The following GPC3 variants were observed in gnomAD, a reference collection of about 807,000 sequenced individuals.
GPC3 encodes glypican 3.
Under a neutral mutation model 34.4 loss-of-function variants are expected in GPC3, and 3 were observed. The ratio of observed to expected loss-of-function variants is 0.09; its 90% CI spans 0.04 to 0.23. The LOEUF (loss-of-function observed/expected upper bound fraction) is 0.23. Among genes scored for constraint, GPC3 ranks in the 10% least tolerant of loss-of-function variants. GPC3 has a pLI of 1.00. For synonymous variants in GPC3, 177 were observed against 174.0 expected (o/e 1.02, Z -0.13); for missense variants, 351 against 445.6 (o/e 0.79, Z 1.91).
chrX:133,867,509 C>G (rs1485046229), intron 2 of GPC3, among the ~76,000 whole-genome samples: 1 of 109,950 alleles, frequency 9.1e-6, no homozygotes, highest in African/African-American at 3.3e-5. Flanking sequence ...GGCATCTATT[C>G]ATCCCACCTA....
chrX:133,850,525 C>T (rs1027987958), intron 2 of GPC3, among the ~76,000 whole-genome samples: 2 of 110,921 alleles, frequency 1.8e-5, no homozygotes, highest in African/African-American at 6.6e-5. Flanking sequence ...GGCTGCCAGC[C>T]TTGGTCAGAA....
chrX:133,798,479 G>A (rs1466798721), intron 2 of GPC3, among the ~76,000 whole-genome samples: 1 of 112,144 alleles, frequency 8.9e-6, no homozygotes, highest in Non-Finnish European at 1.9e-5. Context: ...CTTGTCTCCC[G>A]TGGGTCACAG....
intron 7 of GPC3, among the ~76,000 whole-genome samples, chrX:133,580,343 T>C (rs141991128): frequency 8.9e-6 from 1 of 111,844 alleles, no homozygotes; most frequent in East Asian, 2.8e-4. Context: ...ACAACTTGTG[T>C]ATTTAGGTTT....
chrX:133,650,028 G>A (rs1404924691), intron 6 of GPC3, among the ~76,000 whole-genome samples: 2 of 111,959 alleles, frequency 1.8e-5, no homozygotes, highest in Non-Finnish European at 1.9e-5. Flanking sequence ...AAGCTCAGTA[G>A]CCACAAGCCC....
chrX:133,604,944 G>A (rs1225801705), intron 6 of GPC3, among the ~76,000 whole-genome samples: 4 of 111,824 alleles, frequency 3.6e-5, no homozygotes, highest in Non-Finnish European at 7.5e-5. Flanking sequence ...CAAATGTGGT[G>A]ACTCCAATGA....
chrX:133,757,113 C>A (rs1325882669), intron 2 of GPC3, among the ~76,000 whole-genome samples: 2 of 112,249 alleles, frequency 1.8e-5, no homozygotes, highest in East Asian at 5.6e-4. Flanking sequence ...AAAATTTGAA[C>A]AAACAATGTA....
At chrX:133,749,532 T>C (rs2071641562) in intron 3 of GPC3, among the ~76,000 whole-genome samples, 1 of 110,834 alleles carries the variant, frequency 9.0e-6, no homozygotes, top group Admixed American at 9.7e-5. Flanking sequence ...CAAGCCACAC[T>C]TAAAAAAACG....
chrX:133,602,120 T>C (rs756736426), intron 6 of GPC3, among the ~76,000 whole-genome samples: 1 of 111,332 alleles, frequency 9.0e-6, no homozygotes, highest in African/African-American at 3.3e-5. Flanking sequence ...TTTGAGGCCA[T>C]ATGGATGAGC....
chrX:133,909,755 C>G (rs1409448579), intron 2 of GPC3, among the ~76,000 whole-genome samples: 1 of 111,372 alleles, frequency 9.0e-6, no homozygotes, highest in Non-Finnish European at 1.9e-5. Flanking sequence ...TTAAAAATAA[C>G]AGATGCATAT....
chrX:133,571,357 T>G (rs917282867), intron 7 of GPC3, among the ~76,000 whole-genome samples: 4 of 111,507 alleles, frequency 3.6e-5, no homozygotes, highest in Non-Finnish European at 1.9e-5. Context: ...TGGGGTGTCC[T>G]GATAGCCATT....
chrX:133,596,453 G>T lies in GPC3; in HGVS notation c.1560C>A (p.Leu520=), dbSNP rs1446811768. Residue 520 remains leucine, a synonymous_variant, in exon 7 of 8, where the codon CTC becomes CTA. Transcript: ENST00000370818. The part of the protein sequence containing the change: ...GDGMIKVKNQ[L]RFLAELAYDL... ...CTAATCAGTTACCTGCAAGGAAGCG[G>T]AGCTGATTCTTCACTTTTATCATTC... 2 of 1,208,542 alleles carry T rather than the reference G, an allele frequency of 1.7e-6. No homozygotes were observed. The highest frequency in any genetic ancestry group is 5.9e-5 in the East Asian group (2 of 33,828).
chrX:133,866,602 T>A (rs1197659353), intron 2 of GPC3, among the ~76,000 whole-genome samples: 2 of 112,321 alleles, frequency 1.8e-5, no homozygotes, highest in African/African-American at 6.5e-5. Flanking sequence ...TGTTAACTCA[T>A]TCATAATATT....
At chrX:133,925,053 C>A (rs2076269251) in intron 2 of GPC3, among the ~76,000 whole-genome samples, 1 of 108,401 alleles carries the variant, frequency 9.2e-6, no homozygotes, top group Non-Finnish European at 1.9e-5. Context: ...CAGAGTGAGA[C>A]CCTGTCTCAA....
At chrX:133,935,358 G>A (rs2076318944) in intron 2 of GPC3, among the ~76,000 whole-genome samples, 1 of 111,897 alleles carries the variant, frequency 8.9e-6, no homozygotes, top group Non-Finnish European at 1.9e-5. Flanking sequence ...AGATGTCTGG[G>A]AAAGGAATAA....
At chrX:133,668,076 G>A (rs926092416) in intron 5 of GPC3, among the ~76,000 whole-genome samples, 4 of 106,706 alleles carry the variant, frequency 3.7e-5, no homozygotes, top group East Asian at 6.1e-4. Flanking sequence ...CTAATTTTTC[G>A]TATTTTTAGT....
At chrX:133,954,543 T>C (rs756067200) in intron 1 of GPC3, among the ~76,000 whole-genome samples, 26 of 109,103 alleles carry the variant, frequency 2.4e-4, no homozygotes, top group Non-Finnish European at 4.0e-4. Context: ...GTGATGATTG[T>C]GGAGACTATT....
At chrX:133,934,159 C>T (rs891201845) in intron 2 of GPC3, among the ~76,000 whole-genome samples, 3 of 108,966 alleles carry the variant, frequency 2.8e-5, no homozygotes, top group African/African-American at 1.0e-4. Context: ...CCACTGAGCC[C>T]AGCCTAAACC....
At chrX:133,921,581 G>A (rs1184403547) in intron 2 of GPC3, among the ~76,000 whole-genome samples, 3 of 111,952 alleles carry the variant, frequency 2.7e-5, no homozygotes, top group Non-Finnish European at 5.6e-5. Context: ...GTTCCTATGT[G>A]ATTCCAAAGT....
chrX:133,960,779 A>G (rs889545538), intron 1 of GPC3, among the ~76,000 whole-genome samples: 2 of 111,378 alleles, frequency 1.8e-5, no homozygotes, highest in African/African-American at 6.5e-5. Flanking sequence ...AAAAGAATTA[A>G]TGATATCCCA....
Sources: allele counts gnomAD v4.1 joint callset (sites outside exome capture counted in the v4.1 genomes callset), GRCh38; gene constraint gnomAD v4.1.1; transcripts MANE v1.5; gene names NCBI Gene and HGNC (gene_info 2026-07-23, HGNC 2026-07-21).